EXOC4: variants seen among roughly 807,000 people sequenced by gnomAD.
EXOC4 encodes exocyst complex component 4, also known as SEC8-like 1.
A neutral mutation model predicts 107.2 loss-of-function variants in EXOC4; 71 were observed. That is an observed-to-expected ratio of 0.66 (90% CI 0.55 to 0.81). The LOEUF (loss-of-function observed/expected upper bound fraction) is 0.81, where lower values mean the gene tolerates loss of function less well. EXOC4 is among the 30% of genes least tolerant of loss of function. The probability of loss-of-function intolerance (pLI) is 0.00; values close to 1 mark genes in which losing one functional copy is unlikely to be tolerated. For synonymous variants in EXOC4, 456 were observed against 441.2 expected (o/e 1.03, Z -0.42); for missense variants, 1,108 against 1,189.6 (o/e 0.93, Z 1.01).
At chr7:133,394,261 C>T (rs897440036) in intron 7 of EXOC4, among the ~76,000 whole-genome samples, 7 of 152,048 alleles carry the variant, frequency 4.6e-5, no homozygotes, top group African/African-American at 1.7e-4. Context: ...ACAAACTTGT[C>T]CTTTATTCTT....
At chr7:133,705,059 A>G (rs1420520761) in intron 10 of EXOC4, among the ~76,000 whole-genome samples, 2 of 152,174 alleles carry the variant, frequency 1.3e-5, no homozygotes, top group Non-Finnish European at 2.9e-5. Flanking sequence ...GGTAGATACT[A>G]TACTTTTTAA....
At chr7:133,841,105 A>G (rs1374643580) in intron 11 of EXOC4, among the ~76,000 whole-genome samples, 1 of 152,266 alleles carries the variant, frequency 6.6e-6, no homozygotes, top group East Asian at 1.9e-4. Flanking sequence ...ATGAGGGCCT[A>G]TATTCTCATT....
chr7:133,827,664 A>G (rs1051702279), intron 11 of EXOC4, among the ~76,000 whole-genome samples: 2 of 152,210 alleles, frequency 1.3e-5, no homozygotes, highest in East Asian at 1.9e-4. Context: ...GTTTTCTTCA[A>G]CAATCTATCA....
intron 17 of EXOC4, among the ~76,000 whole-genome samples, chr7:134,044,252 G>T (rs553440272): frequency 8.5e-5 from 13 of 152,124 alleles, no homozygotes; most frequent in Non-Finnish European, 1.6e-4. Context: ...TAATCAATAA[G>T]GCCACATCCC....
chr7:133,359,512 G>C (rs1796093787), intron 6 of EXOC4, among the ~76,000 whole-genome samples: 1 of 151,984 alleles, frequency 6.6e-6, no homozygotes, highest in African/African-American at 2.4e-5. Context: ...AAGAAAGTTG[G>C]AACAGAGACC....
At chr7:133,678,625 T>C (rs1794117068) in intron 10 of EXOC4, among the ~76,000 whole-genome samples, 1 of 152,032 alleles carries the variant, frequency 6.6e-6, no homozygotes, top group African/African-American at 2.4e-5. Flanking sequence ...TTTTCTTCTT[T>C]GTTGAGACAG....
intron 8 of EXOC4, among the ~76,000 whole-genome samples, chr7:133,477,642 A>G (rs1344044423): frequency 6.6e-6 from 1 of 152,118 alleles, no homozygotes; most frequent in Non-Finnish European, 1.5e-5. Context: ...GTGGACATAA[A>G]TTTTCAACTC....
intron 9 of EXOC4, among the ~76,000 whole-genome samples, chr7:133,604,706 C>CCTTCTTTTTTTTTTTTTTTTTTTT (rs1191856891): frequency 1.1e-5 from 1 of 87,534 alleles, no homozygotes; most frequent in African/African-American, 4.4e-5. Context: ...TTCCTTCCTT[C>CCTTCTTTTTTTTTTTTTTTTTTTT]TTTCTTTTTT....
intron 5 of EXOC4, among the ~76,000 whole-genome samples, chr7:133,321,729 G>C (rs529722437): frequency 6.6e-6 from 1 of 152,170 alleles, no homozygotes; most frequent in Non-Finnish European, 1.5e-5. Flanking sequence ...TAATCTTTGG[G>C]TATATACCCA....
intron 7 of EXOC4, among the ~76,000 whole-genome samples, chr7:133,428,220 G>A (rs1797771874): frequency 6.6e-6 from 1 of 152,166 alleles, no homozygotes; most frequent in African/African-American, 2.4e-5. Flanking sequence ...GATGTGAGGA[G>A]CAGCCATCCT....
chr7:133,511,615 A>G (rs1415840595), intron 9 of EXOC4, among the ~76,000 whole-genome samples: 1 of 152,082 alleles, frequency 6.6e-6, no homozygotes, highest in African/African-American at 2.4e-5. Flanking sequence ...CCTTATTCCA[A>G]TGTGGCATAT....
intron 13 of EXOC4, among the ~76,000 whole-genome samples, chr7:133,932,818 T>G (rs1013495921): frequency 5.9e-5 from 9 of 152,160 alleles, no homozygotes; most frequent in Admixed American, 5.9e-4. Flanking sequence ...GAACTGACTT[T>G]GCAGGCAGCA....
chr7:133,323,247 T>C (rs1310205853), intron 5 of EXOC4, among the ~76,000 whole-genome samples: 5 of 152,176 alleles, frequency 3.3e-5, no homozygotes, highest in African/African-American at 9.7e-5. Context: ...TCCAATAGTA[T>C]GTTGAATAGG....
At chr7:133,494,725 A>C (rs1028291060) in intron 9 of EXOC4, among the ~76,000 whole-genome samples, 4 of 152,224 alleles carry the variant, frequency 2.6e-5, no homozygotes, top group Admixed American at 2.0e-4. Context: ...GGTCTAACTT[A>C]TTCTAACCAA....
intron 7 of EXOC4, among the ~76,000 whole-genome samples, chr7:133,437,602 TATCTA>T (rs1277458225): frequency 2.0e-5 from 3 of 152,192 alleles, no homozygotes. Flanking sequence ...GATATTTTAT[TATCTA>T]ATCTTTTTTC....
intron 10 of EXOC4, among the ~76,000 whole-genome samples, chr7:133,682,900 G>T (rs1481703650): frequency 3.9e-5 from 6 of 152,206 alleles, no homozygotes; most frequent in Non-Finnish European, 2.9e-5. Context: ...AGGAGGTAGT[G>T]CAGACATGGC....
intron 5 of EXOC4, among the ~76,000 whole-genome samples, chr7:133,343,544 C>G (rs1415606925): frequency 1.3e-5 from 2 of 151,652 alleles, no homozygotes; most frequent in Admixed American, 6.6e-5. Flanking sequence ...CCCAATGTGA[C>G]AGGATTACAG....
chr7:133,924,016 G>A (rs948652226), intron 13 of EXOC4, among the ~76,000 whole-genome samples: 1 of 151,166 alleles, frequency 6.6e-6, no homozygotes, highest in Admixed American at 6.6e-5. Context: ...TATCAAGACA[G>A]GTAAAGAATG....
intron 7 of EXOC4, among the ~76,000 whole-genome samples, chr7:133,425,207 T>G (rs1375280689): frequency 6.6e-6 from 1 of 152,138 alleles, no homozygotes; most frequent in Non-Finnish European, 1.5e-5. Flanking sequence ...TAGAAGTCGG[T>G]AGTCTGGGGA....
Sources: gnomAD v4.1 joint callset for allele counts (sites outside exome capture counted in the v4.1 genomes callset) on GRCh38, gnomAD v4.1.1 for gene constraint, MANE v1.5 for transcripts, NCBI Gene and HGNC (gene_info 2026-07-23, HGNC 2026-07-21) for gene names.